ACAD9: variants seen among roughly 807,000 people sequenced by gnomAD.
ACAD9 encodes the protein complex I assembly factor ACAD9, mitochondrial.
ACAD9 carries 53 observed loss-of-function variants against 70.2 expected under a neutral mutation model. That is an observed-to-expected ratio of 0.75 (90% CI 0.61 to 0.95). ACAD9 has a LOEUF of 0.95. Among genes scored for constraint, ACAD9 ranks in the 40% least tolerant of loss-of-function variants. The pLI, the probability that ACAD9 is intolerant of heterozygous loss-of-function variation, is 0.00. For synonymous variants in ACAD9, 313 were observed against 312.1 expected (o/e 1.00, Z -0.03); for missense variants, 777 against 802.8 (o/e 0.97, Z 0.39).
At chr3:128,891,322 A>T (rs543123347) in intron 2 of ACAD9, among the ~76,000 whole-genome samples, 1 of 151,848 alleles carries the variant, frequency 6.6e-6, no homozygotes, top group Non-Finnish European at 1.5e-5. Context: ...TCACTTTTGT[A>T]TGTCTAGAAA....
intron 1 of ACAD9, among the ~76,000 whole-genome samples, chr3:128,882,256 C>T (rs566020289): frequency 6.6e-6 from 1 of 152,172 alleles, no homozygotes; most frequent in East Asian, 1.9e-4. Flanking sequence ...ATTAATAGAT[C>T]CCAAACTGAG....
chr3:128,886,714 G>GA (rs1162374201), intron 2 of ACAD9, among the ~76,000 whole-genome samples: 141 of 90,128 alleles, frequency 1.6e-3, no homozygotes, highest in African/African-American at 2.1e-3. Context: ...GTCTCAAAAA[G>GA]AAAAAAAAAA....
At chr3:128,908,132 C>A in intron 12 of ACAD9, 53 bp from the exon 13 acceptor site, 1 of 1,575,052 alleles carries the variant, frequency 6.3e-7, no homozygotes, top group South Asian at 1.1e-5. Context: ...CGTGGCACTA[C>A]CATGGCTGCC....
At chr3:128,889,347 C>T (rs1044808283) in intron 2 of ACAD9, among the ~76,000 whole-genome samples, 14 of 152,176 alleles carry the variant, frequency 9.2e-5, no homozygotes, top group African/African-American at 3.4e-4. Context: ...GAGCAATAAG[C>T]CATACCATAT....
intron 5 of ACAD9, 37 bp from the exon 6 acceptor site, chr3:128,897,595 A>T: frequency 6.3e-7 from 1 of 1,591,278 alleles, no homozygotes; most frequent in Non-Finnish European, 8.6e-7. Flanking sequence ...ATTTATTCCC[A>T]GTATTCTCCC....
rs541503227 is a variant in ACAD9 at position 128,909,194 on chromosome 3, C to T, written c.1485+95C>T. On this transcript the variant is annotated intron_variant, in intron 14 of 17. Transcript: ENST00000308982. ...ATCTCACTGTGGGGGGTCTGGGCTTCTCCAGGGGAAGTTGGGGAACACCAG... is the reference window on the plus strand; with the variant it reads ...ATCTCACTGTGGGGGGTCTGGGCTTTTCCAGGGGAAGTTGGGGAACACCAG... 472 of 1,600,464 alleles carry T rather than the reference C, an allele frequency of 2.9e-4. 5 individuals are homozygous for T. In the South Asian group the frequency reaches 4.8e-3, roughly 16 times the overall value.
chr3:128,887,844 T>G (rs1935299112), intron 2 of ACAD9, among the ~76,000 whole-genome samples: 1 of 151,966 alleles, frequency 6.6e-6, no homozygotes. Context: ...ATACACCTAT[T>G]TCATGTACAT....
chr3:128,891,002 C>T (rs548320045), intron 2 of ACAD9, among the ~76,000 whole-genome samples: 64 of 151,868 alleles, frequency 4.2e-4, no homozygotes, highest in African/African-American at 1.3e-3. Context: ...TCACTATGCC[C>T]GGCTAATTTT....
At chr3:128,910,343 G>A in intron 16 of ACAD9, 194 bp downstream of exon 16, 1 of 1,471,108 alleles carries the variant, frequency 6.8e-7, no homozygotes, top group Non-Finnish European at 9.0e-7. Flanking sequence ...ACTGAGAGAA[G>A]AGGGGGTGAG....
At chr3:128,904,652 C>G (rs1266809588) in intron 11 of ACAD9, 147 bp downstream of exon 11, 2 of 1,356,784 alleles carry the variant, frequency 1.5e-6, no homozygotes, top group Non-Finnish European at 2.0e-6. Flanking sequence ...GTGTAGCACT[C>G]CAGGGATAGG....
chr3:128,906,357 C>T, intron 12 of ACAD9, 108 bp downstream of exon 12: 1 of 1,543,046 alleles, frequency 6.5e-7, no homozygotes, highest in South Asian at 1.1e-5. Context: ...GGCTGGGTCG[C>T]ATGCTCTCAG....
Position 128,908,060 on chromosome 3 carries a change from T to G in ACAD9, c.1279-125T>G, listed in dbSNP as rs1935949294. The G allele has an allele frequency of 4.4e-6, 4 of 906,950 alleles. No homozygotes were observed. In the African/African-American group the frequency reaches 6.5e-5, roughly 15 times the overall value. The allele number at this position is 906,950 out of a possible 1,614,324, so 56.2% of individuals were successfully genotyped here. The stretch of plus-strand genomic sequence containing the variant: ...TGGCCAGAGCCCTGCTCCCAGCTAC[T>G]TCAGGAGCAGTGGCTTTTGTGGCAA... On this transcript the variant is annotated intron_variant, in intron 12 of 17. Coordinates refer to ENST00000308982, the MANE Select transcript of ACAD9 (RefSeq NM_014049.5).
intron 8 of ACAD9, 114 bp downstream of exon 8, chr3:128,901,463 C>T: frequency 8.4e-7 from 1 of 1,195,348 alleles, no homozygotes; most frequent in Non-Finnish European, 1.2e-6. Flanking sequence ...TGGCAGGTGA[C>T]TTTGCATGGT....
chr3:128,901,254 T>C (rs747166066), intron 7 of ACAD9, 22 bp from the exon 8 acceptor site: 4 of 1,612,110 alleles, frequency 2.5e-6, no homozygotes, highest in Non-Finnish European at 3.4e-6. Flanking sequence ...TCAGATGATA[T>C]CTTAAATTTC....
intron 17 of ACAD9, 25 bp from the exon 18 acceptor site, chr3:128,912,482 C>T: frequency 6.3e-7 from 1 of 1,596,076 alleles, no homozygotes; most frequent in South Asian, 1.1e-5. Flanking sequence ...AAAGATCACC[C>T]ACCATCTCTC....
At chr3:128,883,636 G>A (rs555964914) in intron 1 of ACAD9, among the ~76,000 whole-genome samples, 5 of 152,122 alleles carry the variant, frequency 3.3e-5, no homozygotes, top group South Asian at 4.2e-4. Context: ...GATTACAGGC[G>A]TGAGCCACCG....
intron 15 of ACAD9, 129 bp downstream of exon 15, chr3:128,909,550 T>C (rs72973231): frequency 1.5e-5 from 15 of 1,033,686 alleles, no homozygotes; most frequent in East Asian, 2.5e-5. Flanking sequence ...CCTGGAGGGA[T>C]GGGGTGGTGA....
chr3:128,881,762 T>C (rs114156198), intron 1 of ACAD9, among the ~76,000 whole-genome samples: 3,075 of 152,342 alleles, frequency 0.02, 109 homozygotes, highest in African/African-American at 0.07. Flanking sequence ...GTTCTCGCCA[T>C]TCTCTGAATG....
intron 14 of ACAD9, 79 bp downstream of exon 14, chr3:128,909,178 TG>T: frequency 2.5e-6 from 4 of 1,602,660 alleles, no homozygotes. Flanking sequence ...GATCTCACTG[TG>T]GGGGGTCTGG....
Sources: gnomAD v4.1 joint callset for allele counts (sites outside exome capture counted in the v4.1 genomes callset) on GRCh38, gnomAD v4.1.1 for gene constraint, MANE v1.5 for transcripts, NCBI Gene and HGNC (gene_info 2026-07-23, HGNC 2026-07-21) for gene names.